Variants in THSD4 observed in about 807,000 individuals in gnomAD.
THSD4 encodes the protein thrombospondin type 1 domain containing 4.
THSD4 carries 69 observed loss-of-function variants against 119.0 expected under a neutral mutation model. The ratio of observed to expected loss-of-function variants is 0.58; its 90% CI spans 0.48 to 0.71. The LOEUF (loss-of-function observed/expected upper bound fraction) is 0.71, where lower values mean the gene tolerates loss of function less well. Among genes scored for constraint, THSD4 ranks in the 30% least tolerant of loss-of-function variants. THSD4 has a pLI of 0.00. For missense variants in THSD4, 1,393 were observed against 1,391.1 expected (o/e 1.00, Z -0.02); for synonymous variants, 524 against 540.4 (o/e 0.97, Z 0.42).
upstream of THSD4, chr15:71,113,445 C>G (rs895573786): frequency 2.6e-5 from 4 of 152,136 alleles, no homozygotes; most frequent in Non-Finnish European, 1.5e-5. Context: ...TGAAACTTGT[C>G]TAAAATTATT....
intron 7 of THSD4, among the ~76,000 whole-genome samples, chr15:71,525,972 G>T (rs1436721037): frequency 6.6e-6 from 1 of 152,100 alleles, no homozygotes; most frequent in African/African-American, 2.4e-5. Flanking sequence ...TCAGTAAACA[G>T]TAAGTGAATT....
intron 7 of THSD4, among the ~76,000 whole-genome samples, chr15:71,640,075 T>G (rs2050826059): frequency 6.6e-6 from 1 of 152,048 alleles, no homozygotes; most frequent in Non-Finnish European, 1.5e-5. Context: ...AACGGCAACT[T>G]TTTTTTGCAA....
At chr15:71,234,495 G>C (rs1270871975) in intron 4 of THSD4, among the ~76,000 whole-genome samples, 1 of 152,094 alleles carries the variant, frequency 6.6e-6, no homozygotes, top group African/African-American at 2.4e-5. Flanking sequence ...TAGTAGAGAT[G>C]GGGTTTCACC....
intron 3 of THSD4, among the ~76,000 whole-genome samples, chr15:71,171,204 A>G (rs967434020): frequency 6.6e-5 from 10 of 152,058 alleles, no homozygotes; most frequent in African/African-American, 2.2e-4. Flanking sequence ...AAGCACTAGA[A>G]GCATGAAAAA....
chr15:71,156,689 T>C (rs1156457627), intron 3 of THSD4, among the ~76,000 whole-genome samples: 1 of 152,130 alleles, frequency 6.6e-6, no homozygotes, highest in African/African-American at 2.4e-5. Flanking sequence ...CTGATTATAG[T>C]CTAATTTATT....
chr15:71,682,798 A>G (rs1015712815), intron 8 of THSD4, among the ~76,000 whole-genome samples: 1 of 151,704 alleles, frequency 6.6e-6, no homozygotes, highest in Non-Finnish European at 1.5e-5. Flanking sequence ...TATTTTGGTT[A>G]TCATAGCTTT....
intron 7 of THSD4, among the ~76,000 whole-genome samples, chr15:71,614,084 C>T (rs1361276549): frequency 1.3e-5 from 2 of 152,090 alleles, no homozygotes; most frequent in African/African-American, 2.4e-5. Flanking sequence ...TCTAAAGAAC[C>T]CTATTCTTAT....
intron 7 of THSD4, among the ~76,000 whole-genome samples, chr15:71,439,716 A>T (rs1459417726): frequency 2.0e-5 from 3 of 152,212 alleles, no homozygotes; most frequent in Non-Finnish European, 4.4e-5. Flanking sequence ...CTTTGCAGGG[A>T]CATGGACGAA....
chr15:71,106,861 C>T (rs912832052), intron 1 of THSD4, among the ~76,000 whole-genome samples: 7 of 151,074 alleles, frequency 4.6e-5, no homozygotes, highest in African/African-American at 1.7e-4. Context: ...AAGCAGCTAC[C>T]AGCTTTAAAA....
At chr15:71,722,786 C>T (rs1193210831) in intron 8 of THSD4, among the ~76,000 whole-genome samples, 6 of 152,072 alleles carry the variant, frequency 3.9e-5, no homozygotes, top group Non-Finnish European at 5.9e-5. Flanking sequence ...CAACATAAAC[C>T]CCAGTTCCTG....
intron 7 of THSD4, among the ~76,000 whole-genome samples, chr15:71,454,404 A>G (rs1443494958): frequency 6.6e-6 from 1 of 152,252 alleles, no homozygotes; most frequent in African/African-American, 2.4e-5. Flanking sequence ...AGCTTTGAAA[A>G]GAAGGGTGGG....
At chr15:71,387,645 T>C (rs1596390270) in intron 6 of THSD4, among the ~76,000 whole-genome samples, 1 of 152,210 alleles carries the variant, frequency 6.6e-6, no homozygotes, top group Non-Finnish European at 1.5e-5. Flanking sequence ...CATATGAAGA[T>C]ACAACTTTCA....
At chr15:71,715,638 C>A (rs184034757) in intron 8 of THSD4, among the ~76,000 whole-genome samples, 11 of 151,998 alleles carry the variant, frequency 7.2e-5, no homozygotes, top group Admixed American at 6.6e-4. Context: ...AAAGAACTAT[C>A]CTATGTTGGT....
chr15:71,200,065 C>T (rs2043789282), intron 3 of THSD4, among the ~76,000 whole-genome samples: 1 of 152,046 alleles, frequency 6.6e-6, no homozygotes, highest in African/African-American at 2.4e-5. Flanking sequence ...CTAGGCTTCT[C>T]CTTCAGTCGG....
intron 7 of THSD4, among the ~76,000 whole-genome samples, chr15:71,637,138 C>G (rs968778718): frequency 6.6e-6 from 1 of 152,198 alleles, no homozygotes; most frequent in Non-Finnish European, 1.5e-5. Flanking sequence ...CCACCCGCCT[C>G]AGTCTGCCAA....
chr15:71,594,272 G>A (rs1276452267), intron 7 of THSD4, among the ~76,000 whole-genome samples: 3 of 150,920 alleles, frequency 2.0e-5, no homozygotes, highest in South Asian at 2.1e-4. Context: ...GCAATGGCAC[G>A]ATCTCAGTTC....
chr15:71,149,349 G>A (rs761543259), intron 2 of THSD4, among the ~76,000 whole-genome samples: 2 of 152,004 alleles, frequency 1.3e-5, no homozygotes, highest in Non-Finnish European at 2.9e-5. Context: ...GGGTTCAAGC[G>A]ATTCTCCTGC....
intron 6 of THSD4, among the ~76,000 whole-genome samples, chr15:71,264,638 G>A (rs973596093): frequency 1.3e-5 from 2 of 152,196 alleles, no homozygotes; most frequent in Non-Finnish European, 2.9e-5. Context: ...ATCAACCTTG[G>A]TGAGATTAGT....
intron 8 of THSD4, among the ~76,000 whole-genome samples, chr15:71,724,091 G>A (rs2052774652): frequency 8.2e-6 from 1 of 121,810 alleles, no homozygotes; most frequent in Non-Finnish European, 1.7e-5. Flanking sequence ...AAAAAAAAAT[G>A]AATAGAACTT....
Sources: allele counts gnomAD v4.1 joint callset (sites outside exome capture counted in the v4.1 genomes callset), GRCh38; gene constraint gnomAD v4.1.1; transcripts MANE v1.5; gene names NCBI Gene and HGNC (gene_info 2026-07-23, HGNC 2026-07-21).